The following SLC47A1 variants were observed in gnomAD, a reference collection of about 807,000 sequenced individuals.
SLC47A1 encodes the protein multidrug and toxin extrusion protein 1.
Under a neutral mutation model 65.8 loss-of-function variants are expected in SLC47A1, and 58 were observed. The observed-to-expected ratio is 0.88, with a 90% CI of 0.71 to 1.10. The LOEUF is 1.10. Among genes scored for constraint, SLC47A1 ranks in the 50% least tolerant of loss-of-function variants. SLC47A1 has a pLI of 0.00. For missense variants in SLC47A1, 706 were observed against 719.2 expected (o/e 0.98, Z 0.21); for synonymous variants, 285 against 295.0 (o/e 0.97, Z 0.35).
At chr17:19,558,497 G>A (rs1916683325) in intron 10 of SLC47A1, among the ~76,000 whole-genome samples, 1 of 150,834 alleles carries the variant, frequency 6.6e-6, no homozygotes, top group African/African-American at 2.4e-5. Flanking sequence ...ACAGTGTCTT[G>A]TTCTGGTGAC....
In SLC47A1 at chr17:19,577,942, C is replaced by T. The variant is rs575028158; in HGVS notation, c.*389C>T. On this transcript the variant is annotated 3_prime_UTR_variant, in exon 17 of 17. Coordinates refer to ENST00000270570, the MANE Select transcript of SLC47A1 (RefSeq NM_018242.3). ...TTTTACAGTATATCTTTCCTTGGGC[C>T]TTAGATTACTATTCACTGGGCAAAT... is the stretch of plus-strand genomic sequence containing the variant. 1.6e-6 allele frequency: 2 copies of T among 1,273,300 alleles called. No individual in the cohort carries two copies. Among genetic ancestry groups the T allele is most frequent in the Admixed American group, 2.5e-5 (1 of 39,460 alleles). The allele number at this position is 1,273,300 out of a possible 1,614,324, so 78.9% of individuals were successfully genotyped here.
At position 19,562,087 on chromosome 17, in the gene SLC47A1, G is replaced by A. The variant is rs941900378; in HGVS notation, c.1106+1594G>A. Among the ~76,000 whole-genome samples, 10 of 152,136 alleles carry A rather than the reference G, an allele frequency of 6.6e-5. 1 individual carries two copies. The highest frequency in any genetic ancestry group is 2.4e-4 in the African/African-American group (10 of 41,382). On this transcript the variant is annotated intron_variant, in intron 12 of 16. Coordinates refer to ENST00000270570, the MANE Select transcript of SLC47A1 (RefSeq NM_018242.3). Reference sequence around the variant, plus strand: ...CGGACTATATAGAAACTTCGTGGGGGTACTTCTTATTTGGACACCTTTGTC... The same window carrying A: ...CGGACTATATAGAAACTTCGTGGGGATACTTCTTATTTGGACACCTTTGTC...
rs766795164 is a variant in SLC47A1 at position 19,571,584 on chromosome 17, CA to C, written c.1404+13del. ...AAGCCTGTCAGCAGGTAACTATGTT[CA>C]TTCTGTCCCGGTAAAGGTTCCTCTC... On this transcript the variant is annotated intron_variant, in intron 15 of 16. Coordinates refer to ENST00000270570, the MANE Select transcript of SLC47A1 (RefSeq NM_018242.3). The C allele has an allele frequency of 8.1e-6, 13 of 1,603,754 alleles. No individual in the cohort carries two copies. The highest frequency in any genetic ancestry group is 1.1e-5 in the Non-Finnish European group (13 of 1,171,130).
intron 12 of SLC47A1, among the ~76,000 whole-genome samples, chr17:19,563,613 A>T (rs1204119070): frequency 6.6e-6 from 1 of 152,326 alleles, no homozygotes; most frequent in East Asian, 1.9e-4. Context: ...CCAAAATCTG[A>T]CAAAGTTTGC....
rs1281819103 is a variant in SLC47A1, at chr17:19,542,395, C to T, written c.138C>T (p.Phe46=). 2 of 1,601,902 alleles carry T rather than the reference C, an allele frequency of 1.2e-6. No individual in the cohort carries two copies. Among genetic ancestry groups the T allele is most frequent in the Non-Finnish European group, 1.7e-6 (2 of 1,173,922 alleles). ...RALLVLAGPA[F]LVQLMVFLIS... ...TTCCCGTTCCCCTCTCTTCCCAGTT[C>T]TTGGTTCAGCTGATGGTGTTCCTGA... Residue 46 remains phenylalanine (F), a splice_region_variant and synonymous_variant, in exon 2 of 17, where the codon TTC becomes TTT. Transcript: ENST00000270570.
At chr17:19,539,935 C>G (rs1050965375) in intron 1 of SLC47A1, among the ~76,000 whole-genome samples, 2 of 152,158 alleles carry the variant, frequency 1.3e-5, no homozygotes, top group African/African-American at 4.8e-5. Flanking sequence ...AAGCCAAGAT[C>G]CCTGGCACGG....
At position 19,538,564 on chromosome 17, in the gene SLC47A1, G is replaced by A. The variant is rs59547199; in HGVS notation, c.136-3829G>A. 3.9e-3 allele frequency among the ~76,000 whole-genome samples: 592 copies of A among 152,392 alleles called. 36 individuals carry two copies. In the East Asian group the frequency reaches 0.095, roughly 25 times the overall value. ...CCCGTGGGGCAGGAATGGAGTAATGGTGTCTAACTCACACCTGTTCCCCCA... is the reference window on the plus strand; with the variant it reads ...CCCGTGGGGCAGGAATGGAGTAATGATGTCTAACTCACACCTGTTCCCCCA... On this transcript the variant is annotated intron_variant, in intron 1 of 16. Transcript: ENST00000270570.
intron 15 of SLC47A1, 74 bp downstream of exon 15, chr17:19,571,646 T>A (rs2084400973): frequency 8.6e-7 from 1 of 1,167,784 alleles, no homozygotes. Context: ...TCTCCCTTTT[T>A]TCTTTTGGAA....
At chr17:19,555,079 C>A (rs1916563516) in intron 6 of SLC47A1, 133 bp from the exon 7 acceptor site, 1 of 759,906 alleles carries the variant, frequency 1.3e-6, no homozygotes, top group African/African-American at 1.7e-5. Flanking sequence ...GACATGACCT[C>A]CCCAGTTAAG....
chr17:19,534,507 G>A (rs978555585), intron 1 of SLC47A1: 4 of 157,632 alleles, frequency 2.5e-5, no homozygotes, highest in African/African-American at 7.2e-5. Context: ...AAAACACAAG[G>A]GAACTTGTTT....
At chr17:19,563,804 T>C (rs925056447) in intron 12 of SLC47A1, among the ~76,000 whole-genome samples, 4 of 148,910 alleles carry the variant, frequency 2.7e-5, no homozygotes, top group South Asian at 2.2e-4. Flanking sequence ...CTGGCTAACA[T>C]GGTGAAACCC....
At chr17:19,559,177 T>C (rs896284769) in intron 10 of SLC47A1, among the ~76,000 whole-genome samples, 3 of 152,194 alleles carry the variant, frequency 2.0e-5, no homozygotes, top group Admixed American at 6.5e-5. Flanking sequence ...GATAAAACTC[T>C]GGAGGTTTTG....
intron 16 of SLC47A1, among the ~76,000 whole-genome samples, chr17:19,576,623 G>A (rs1174167219): frequency 2.0e-5 from 3 of 151,920 alleles, no homozygotes; most frequent in Non-Finnish European, 2.9e-5. Context: ...TTGGAATTAC[G>A]GGCGTGAGCC....
rs1009474864 is a variant in SLC47A1 at position 19,578,084 on chromosome 17, A to G, written c.*531A>G. 2 of 741,380 alleles carry G rather than the reference A, an allele frequency of 2.7e-6. No individual in the cohort carries two copies. Among genetic ancestry groups the G allele is most frequent in the Admixed American group, 4.7e-5 (2 of 42,812 alleles). 45.9% of individuals were successfully genotyped at this position (741,380 alleles called of 1,614,324 possible). ...TGCAGCCTCGAACTCTTGGGCTTCA[A>G]GCAATCCTCCTGTGTCAGCCACCAG... On this transcript the variant is annotated 3_prime_UTR_variant, in exon 17 of 17. Coordinates refer to ENST00000270570, the MANE Select transcript of SLC47A1 (RefSeq NM_018242.3).
At chr17:19,546,354 G>C in intron 2 of SLC47A1, 81 bp from the exon 3 acceptor site, 1 of 1,388,218 alleles carries the variant, frequency 7.2e-7, no homozygotes, top group Non-Finnish European at 1.0e-6. Context: ...AGCTTTGCAG[G>C]CTCTTATCAA....
intron 6 of SLC47A1, among the ~76,000 whole-genome samples, chr17:19,553,286 A>C (rs1171792890): frequency 6.6e-6 from 1 of 152,126 alleles, no homozygotes; most frequent in South Asian, 2.1e-4. Flanking sequence ...TCCACTGGAC[A>C]TGGAGACGCA....
intron 1 of SLC47A1, among the ~76,000 whole-genome samples, chr17:19,539,575 C>A (rs1254013205): frequency 3.3e-5 from 5 of 152,046 alleles, no homozygotes; most frequent in Non-Finnish European, 7.4e-5. Flanking sequence ...ACCTCTGCCC[C>A]CTGGGTTCAA....
chr17:19,553,046 T>C (rs1916498468), intron 6 of SLC47A1, among the ~76,000 whole-genome samples: 1 of 151,978 alleles, frequency 6.6e-6, no homozygotes, highest in Non-Finnish European at 1.5e-5. Context: ...TCTGTAGAAA[T>C]GGCAGGGGTT....
chr17:19,555,154 C>T (rs1396298947), intron 6 of SLC47A1, 58 bp from the exon 7 acceptor site: 32 of 1,509,018 alleles, frequency 2.1e-5, no homozygotes, highest in Non-Finnish European at 2.8e-5. Context: ...GCTTGGGTAG[C>T]AGAAAGGCAG....
Sources: allele counts gnomAD v4.1 joint callset (sites outside exome capture counted in the v4.1 genomes callset), GRCh38; gene constraint gnomAD v4.1.1; transcripts MANE v1.5; gene names NCBI Gene and HGNC (gene_info 2026-07-23, HGNC 2026-07-21).